Variants in TJP1 observed in about 807,000 individuals in gnomAD.
The protein encoded by TJP1 is tight junction protein 1.
Under a neutral mutation model 194.2 loss-of-function variants are expected in TJP1, and 43 were observed. That is an observed-to-expected ratio of 0.22 (90% confidence interval 0.17 to 0.29). The LOEUF (loss-of-function observed/expected upper bound fraction) is 0.29. TJP1 is among the 10% of genes least tolerant of loss of function. The probability of loss-of-function intolerance (pLI) is 1.00; values close to 1 mark genes in which losing one functional copy is unlikely to be tolerated. For synonymous variants in TJP1, 801 were observed against 779.0 expected (o/e 1.03, Z -0.47); for missense variants, 1,971 against 2,185.7 (o/e 0.90, Z 1.96).
At chr15:29,749,461 G>A (rs565671825) in intron 8 of TJP1, among the ~76,000 whole-genome samples, 1 of 152,304 alleles carries the variant, frequency 6.6e-6, no homozygotes, top group Admixed American at 6.5e-5. Flanking sequence ...GAGCCATTTA[G>A]TAGAGGCAGA....
At chr15:29,956,358 C>T (rs1167513088) in exon 2 of TJP1, 4 of 1,287,672 alleles carry the variant, frequency 3.1e-6, no homozygotes, top group South Asian at 1.2e-5. Flanking sequence ...CAGAGGATGG[C>T]GTTACCCTGC....
chr15:29,826,631 C>A (rs934986013), upstream of TJP1, among the ~76,000 whole-genome samples: 4 of 152,176 alleles, frequency 2.6e-5, no homozygotes, highest in African/African-American at 9.7e-5. Flanking sequence ...GGGGGCTGAC[C>A]CTCTCAGCTG....
Position 29,888,957 on chromosome 15 carries a change from T to C in TJP1, c.306+67275A>G, listed in dbSNP as rs139090822. Among the ~76,000 whole-genome samples, 25 of 152,292 alleles carry C rather than the reference T, an allele frequency of 1.6e-4. 1 individual carries two copies. The highest frequency in any genetic ancestry group is 5.5e-4 in the African/African-American group (23 of 41,558). ...ATGGACTGGATCTAATCTAGTGCTA[T>C]AAGTGCAAAATGCCCAGGAAATGTG... On this transcript the variant is annotated intron_variant, in intron 2 of 28. Coordinates refer to the TJP1 transcript ENST00000356107.
intron 2 of TJP1, among the ~76,000 whole-genome samples, chr15:29,904,679 A>C (rs2053749490): frequency 6.6e-6 from 1 of 152,246 alleles, no homozygotes; most frequent in Admixed American, 6.5e-5. Context: ...TTAGAAAAAA[A>C]AATAAAGATA....
At chr15:29,846,345 C>T (rs1035806808) in intron 2 of TJP1, among the ~76,000 whole-genome samples, 1 of 152,134 alleles carries the variant, frequency 6.6e-6, no homozygotes, top group Non-Finnish European at 1.5e-5. Flanking sequence ...CAGCTCAGGC[C>T]CTGCACCTAT....
chr15:29,760,652 C>T (rs1201222447), intron 8 of TJP1, among the ~76,000 whole-genome samples: 3 of 152,146 alleles, frequency 2.0e-5, no homozygotes, highest in Non-Finnish European at 1.5e-5. Context: ...GCTGGGATTA[C>T]AGGTGTGAGC....
At chr15:29,802,354 C>T (rs1022507887) in intron 1 of TJP1, among the ~76,000 whole-genome samples, 2 of 152,078 alleles carry the variant, frequency 1.3e-5, no homozygotes, top group Admixed American at 6.5e-5. Flanking sequence ...AAGATTAATG[C>T]CATTTTAGAA....
intron 22 of TJP1, among the ~76,000 whole-genome samples, chr15:29,717,370 C>A (rs948386731): frequency 6.6e-6 from 1 of 152,194 alleles, no homozygotes; most frequent in African/African-American, 2.4e-5. Context: ...TCTTCTTTAT[C>A]CTAAGTGCAA....
At chr15:29,848,189 T>C (rs2152077340) in intron 2 of TJP1, among the ~76,000 whole-genome samples, 1 of 152,214 alleles carries the variant, frequency 6.6e-6, no homozygotes, top group East Asian at 1.9e-4. Context: ...AAGTTTCTGC[T>C]GAGGGTTGGG....
At chr15:29,716,572 G>A (rs769266839) in intron 23 of TJP1, 39 bp downstream of exon 23, 2 of 1,439,490 alleles carry the variant, frequency 1.4e-6, no homozygotes, top group East Asian at 2.3e-5. Flanking sequence ...GGATTAATAT[G>A]CTGCATCCTA....
intron 2 of TJP1, among the ~76,000 whole-genome samples, chr15:29,941,109 C>T (rs1447243623): frequency 6.6e-6 from 1 of 152,178 alleles, no homozygotes; most frequent in African/African-American, 2.4e-5. Flanking sequence ...TCAAGGTTAG[C>T]AAAAATAAAA....
At chr15:29,709,861 A>G (rs967263027) in intron 24 of TJP1, among the ~76,000 whole-genome samples, 15 of 152,132 alleles carry the variant, frequency 9.9e-5, no homozygotes, top group Non-Finnish European at 1.9e-4. Flanking sequence ...GAAAAGAAAG[A>G]AGGCTAGGTG....
intron 27 of TJP1, among the ~76,000 whole-genome samples, chr15:29,702,929 G>T (rs961049324): frequency 6.6e-6 from 1 of 152,094 alleles, no homozygotes; most frequent in African/African-American, 2.4e-5. Flanking sequence ...CGCTTAAAGT[G>T]ATCTACACCC....
chr15:29,965,036 A>C (rs1342572893), intron 1 of TJP1, among the ~76,000 whole-genome samples: 2 of 152,200 alleles, frequency 1.3e-5, no homozygotes, highest in African/African-American at 4.8e-5. Context: ...AGCGAGATGG[A>C]AGTGTGGGAA....
rs58381683 is a variant in TJP1, at chr15:29,944,115, CAG to C, written c.306+12115_306+12116del. ...TTATTTATTTTATTTATTTTTGAGA[CAG>C]AGTCTTGCTCAGTTGCCTAGGCTGG... On this transcript the variant is annotated intron_variant, in intron 2 of 28. Coordinates refer to the TJP1 transcript ENST00000356107. Among the ~76,000 whole-genome samples, 731 of 151,424 alleles carry C rather than the reference CAG, an allele frequency of 4.8e-3. 6 individuals carry two copies. The highest frequency in any genetic ancestry group is 0.017 in the African/African-American group (708 of 41,338).
In TJP1 at chr15:29,718,590, C is replaced by A. The variant is rs768353697; in HGVS notation, c.3552G>T (p.Lys1184Asn). Residue 1184 changes from lysine (K) to asparagine (N), a missense_variant, in exon 21 of 28, where the codon AAG (lysine) becomes AAT (asparagine). By Grantham distance (94) the Lys-to-Asn change is moderately conservative. Coordinates refer to ENST00000614355, the MANE Select transcript of TJP1 (RefSeq NM_001330239.4). ...EAQPHPSAGP[K>N]PAESKQYFEQ... ...CAAAATACTGCTTGGACTCTGCAGGCTTGGGCCCTGCTGAAGGGTGGGGCT... is the reference window on the plus strand; with the variant it reads ...CAAAATACTGCTTGGACTCTGCAGGATTGGGCCCTGCTGAAGGGTGGGGCT... 6.8e-6 allele frequency: 11 copies of A among 1,614,164 alleles called. No homozygotes were observed. The highest frequency in any genetic ancestry group is 9.3e-6 in the Non-Finnish European group (11 of 1,180,036).
intron 2 of TJP1, among the ~76,000 whole-genome samples, chr15:29,911,574 A>G (rs773732378): frequency 6.6e-6 from 1 of 152,134 alleles, no homozygotes; most frequent in Non-Finnish European, 1.5e-5. Flanking sequence ...GGCCAGCAGG[A>G]GAGAGCAAAG....
intron 2 of TJP1, among the ~76,000 whole-genome samples, chr15:29,946,503 G>A (rs1020750374): frequency 2.6e-5 from 4 of 152,246 alleles, no homozygotes; most frequent in Non-Finnish European, 5.9e-5. Flanking sequence ...CATGCGCCCT[G>A]ATGCGAGGCT....
chr15:29,767,301 T>C (rs2046387293), intron 4 of TJP1, among the ~76,000 whole-genome samples: 1 of 152,232 alleles, frequency 6.6e-6, no homozygotes, highest in South Asian at 2.1e-4. Flanking sequence ...CTTCTCACAA[T>C]AGTATACACT....
Sources: gnomAD v4.1 joint callset for allele counts (sites outside exome capture counted in the v4.1 genomes callset) on GRCh38, gnomAD v4.1.1 for gene constraint, MANE v1.5 for transcripts, NCBI Gene and HGNC (gene_info 2026-07-23, HGNC 2026-07-21) for gene names.